MS4A14: variants seen among roughly 807,000 people sequenced by gnomAD.
MS4A14 encodes the protein membrane-spanning 4-domains subfamily A member 14.
A neutral mutation model predicts 16.7 loss-of-function variants in MS4A14; 18 were observed. The observed-to-expected ratio is 1.08, with a 90% CI of 0.75 to 1.60. The LOEUF is 1.60. MS4A14 is among the 40% of genes most tolerant of loss of function. The pLI, the probability that MS4A14 is intolerant of heterozygous loss-of-function variation, is 0.00. For missense variants in MS4A14, 812 were observed against 775.3 expected, an observed-to-expected ratio of 1.05 and a Z score of -0.56; for synonymous variants, 305 against 289.4, an observed-to-expected ratio of 1.05 and a Z score of -0.55.
In MS4A14 at chr11:60,415,876, T is replaced by G; in HGVS notation, c.908T>G (p.Val303Gly). Residue 303 changes from valine to glycine, a missense_variant, in exon 5 of 5, where the codon GTT becomes GGT. Physicochemically the swap from Val to Gly is moderately radical, Grantham distance 109. Coordinates refer to ENST00000300187, the MANE Select transcript of MS4A14 (RefSeq NM_032597.5). ...LLQDQAASLQ[V>G]FPSHSALKLE... ...CAGGACCAAGCTGCGTCACTCCAAG[T>G]TTTTCCATCCCATTCTGCACTAAAA... 6.2e-7 allele frequency: 1 copy of G among 1,613,806 alleles called. No homozygotes were observed. Among genetic ancestry groups the G allele is most frequent in the Non-Finnish European group, 8.5e-7 (1 of 1,179,900 alleles).
intron 4 of MS4A14, among the ~76,000 whole-genome samples, chr11:60,406,696 A>G (rs2085791088): frequency 6.6e-6 from 1 of 152,122 alleles, no homozygotes; most frequent in Admixed American, 6.5e-5. Flanking sequence ...CATCAACTTT[A>G]TAGAAGTATC....
In MS4A14 at chr11:60,416,160, CAA is replaced by C; in HGVS notation, c.1193_1194del (p.Gln398ArgfsTer20). 1 of 1,613,166 alleles carries C rather than the reference CAA, an allele frequency of 6.2e-7. No homozygotes were observed. Among genetic ancestry groups the C allele is most frequent in the Non-Finnish European group, 8.5e-7 (1 of 1,179,672 alleles). ...CACACCATCCCACGCCATGCCACCT[CAA>C]GACATACCTTCCCAAGATATGCTAT... ...QDTPSHAMPPQDIPSQDMLSQ... is the reference protein window; with the variant it reads ...QDTPSHAMPPXDIPSQDMLSQ... On this transcript the variant is annotated frameshift_variant, in exon 5 of 5. Transcript: ENST00000300187. LOFTEE classifies it low-confidence loss of function (END_TRUNC).
intron 3 of MS4A14, among the ~76,000 whole-genome samples, chr11:60,400,749 C>A (rs2085701667): frequency 6.6e-6 from 1 of 152,122 alleles, no homozygotes; most frequent in South Asian, 2.1e-4. Flanking sequence ...CCCCAGGACC[C>A]AGAAATATTG....
chr11:60,397,825 C>A, intron 1 of MS4A14, 27 bp from the exon 2 acceptor site: 2 of 1,609,016 alleles, frequency 1.2e-6, no homozygotes, highest in South Asian at 1.1e-5. Context: ...TACTTGTAAC[C>A]TCATGTACCC....
In MS4A14 at chr11:60,402,912, G is replaced by A. The variant is rs375760675; in HGVS notation, c.319G>A (p.Gly107Ser). Reference sequence around the variant, plus strand: ...TTATCATTTTTAAACTATCTTTCAGGGTCAAGGTGTCACGGGCATGAATGT... The same window carrying A: ...TTATCATTTTTAAACTATCTTTCAGAGTCAAGGTGTCACGGGCATGAATGT... ...TVTDKKSKLL[G>S]QGVTGMNVIS... The change falls in exon 4 of 5, where the codon GGT becomes AGT. Residue 107 changes from glycine to serine, a missense_variant and splice_region_variant. Coordinates refer to ENST00000300187, the MANE Select transcript of MS4A14 (RefSeq NM_032597.5). 5 of 1,612,432 alleles carry A rather than the reference G, an allele frequency of 3.1e-6. No individual in the cohort carries two copies. In the South Asian group the frequency reaches 5.5e-5, roughly 18 times the overall value.
chr11:60,416,850 G>C lies in MS4A14; in HGVS notation c.1882G>C (p.Gly628Arg). The C allele has an allele frequency of 6.2e-7, 1 of 1,613,748 alleles. No individual in the cohort carries two copies. Among genetic ancestry groups the C allele is most frequent in the South Asian group, 1.1e-5 (1 of 91,062 alleles). Residue 628 changes from glycine (G) to arginine (R), a missense_variant, in exon 5 of 5, where the codon GGA becomes CGA. Coordinates refer to ENST00000300187, the MANE Select transcript of MS4A14 (RefSeq NM_032597.5). ...ACAATTCCAAAATGTTCAAGCCGAAGGACAGCAAGCTCAGGTGGAGAAAGT... is the reference window on the plus strand; with the variant it reads ...ACAATTCCAAAATGTTCAAGCCGAACGACAGCAAGCTCAGGTGGAGAAAGT... The part of the protein sequence containing the change: ...KGQFQNVQAE[G>R]QQAQVEKVPK...
intron 4 of MS4A14, among the ~76,000 whole-genome samples, chr11:60,410,444 T>C (rs1455311744): frequency 7.3e-6 from 1 of 137,342 alleles, no homozygotes; most frequent in Non-Finnish European, 1.5e-5. Context: ...TGCACAAAAG[T>C]TCTTTATGAA....
chr11:60,415,433 A>G lies in MS4A14; in HGVS notation c.469-4A>G. 6.3e-7 allele frequency: 1 copy of G among 1,592,348 alleles called. No homozygotes were observed. The highest frequency in any genetic ancestry group is 1.4e-5 in the African/African-American group (1 of 73,724). On this transcript the variant is annotated splice_polypyrimidine_tract_variant and splice_region_variant and intron_variant, in intron 4 of 4. Transcript: ENST00000300187. Reference sequence around the variant, plus strand: ...ATTAATTACCCTCATCCTTGCTTTTATAGGTTCTGTTTTTCTTGCCTTCGG... The same window carrying G: ...ATTAATTACCCTCATCCTTGCTTTTGTAGGTTCTGTTTTTCTTGCCTTCGG...
Position 60,397,944 on chromosome 11 carries a change from T to G in MS4A14, c.231T>G (p.Val77=), listed in dbSNP as rs144248317. Reference sequence around the variant, plus strand: ...GTTTCTCCCAAAGACTTCCCCTTGTTGTCCTCACAGGATATCCATTCTGGG... The same window carrying G: ...GTTTCTCCCAAAGACTTCCCCTTGTGGTCCTCACAGGATATCCATTCTGGG... ...YIGFSQRLPL[V]VLTGYPFWGA... is the part of the protein sequence containing the mutation. Residue 77 remains valine (V), a synonymous_variant, in exon 2 of 5, where the codon GTT becomes GTG. Coordinates refer to ENST00000300187, the MANE Select transcript of MS4A14 (RefSeq NM_032597.5). 1.1e-4 allele frequency: 175 copies of G among 1,613,672 alleles called. 1 individual carries two copies. Among genetic ancestry groups the G allele is most frequent in the Non-Finnish European group, 1.4e-4 (168 of 1,179,670 alleles).
Position 60,417,269 on chromosome 11 carries a change from A to G in MS4A14, c.*261A>G, listed in dbSNP as rs1203873419. 10 of 339,782 alleles carry G rather than the reference A, an allele frequency of 2.9e-5. No individual in the cohort carries two copies. In the East Asian group the frequency reaches 5.1e-4, roughly 17 times the overall value. 21.0% of individuals were successfully genotyped at this position (339,782 alleles called of 1,614,324 possible). The stretch of plus-strand genomic sequence containing the variant: ...CATCAAACCAGGGGACATGAAATGT[A>G]TAGGGCAAACCTCAGGGGACCTGCA... On this transcript the variant is annotated 3_prime_UTR_variant, in exon 5 of 5. Transcript: ENST00000300187.
At chr11:60,404,117 C>T (rs2085753474) in intron 4 of MS4A14, among the ~76,000 whole-genome samples, 1 of 152,222 alleles carries the variant, frequency 6.6e-6, no homozygotes, top group African/African-American at 2.4e-5. Flanking sequence ...GAGGCAACTA[C>T]TGTTTGTTAT....
At chr11:60,415,323 A>G (rs1399635316) in intron 4 of MS4A14, 114 bp from the exon 5 acceptor site, 1 of 1,122,814 alleles carries the variant, frequency 8.9e-7, no homozygotes, top group Non-Finnish European at 1.2e-6. Context: ...CTTCTCATTT[A>G]GATGTTATTT....
Position 60,415,509 on chromosome 11 carries a change from C to A in MS4A14, c.541C>A (p.Gln181Lys). The change falls in exon 5 of 5, where the codon CAA becomes AAA. Residue 181 changes from glutamine (Q) to lysine (K), a missense_variant. Coordinates refer to ENST00000300187, the MANE Select transcript of MS4A14 (RefSeq NM_032597.5). ...QPAPEENDQLQFVLQEEFSSD... is the reference protein window; with the variant it reads ...QPAPEENDQLKFVLQEEFSSD... ...TGCCCCAGAAGAAAATGATCAATTA[C>A]AATTTGTGCTTCAAGAAGAGTTTTC... 1 of 1,613,544 alleles carries A rather than the reference C, an allele frequency of 6.2e-7. No individual in the cohort carries two copies. The highest frequency in any genetic ancestry group is 8.5e-7 in the Non-Finnish European group (1 of 1,179,690).
intron 4 of MS4A14, among the ~76,000 whole-genome samples, chr11:60,409,799 T>C (rs1478552932): frequency 6.6e-6 from 1 of 151,290 alleles, no homozygotes; most frequent in East Asian, 1.9e-4. Context: ...TCTTTCCTTC[T>C]TTCCTTCTTT....
At chr11:60,412,893 G>T (rs1471799975) in intron 4 of MS4A14, among the ~76,000 whole-genome samples, 1 of 151,820 alleles carries the variant, frequency 6.6e-6, no homozygotes, top group Non-Finnish European at 1.5e-5. Flanking sequence ...ATCTTGCTGG[G>T]ATTTTGGTTG....
At chr11:60,398,211 A>G in intron 2 of MS4A14, 1 of 367,000 alleles carries the variant, frequency 2.7e-6, no homozygotes. Flanking sequence ...TGTGTATAGT[A>G]AGACATTTGC....
In MS4A14 at chr11:60,397,942, GT is replaced by G; in HGVS notation, c.231del (p.Val78SerfsTer21). ...YIGFSQRLPL[V>X]VLTGYPFWGA... is the part of the protein sequence containing the mutation. ...CGGTTTCTCCCAAAGACTTCCCCTTGTTGTCCTCACAGGATATCCATTCTGG... is the reference window on the plus strand; with the variant it reads ...CGGTTTCTCCCAAAGACTTCCCCTTGTGTCCTCACAGGATATCCATTCTGG... On this transcript the variant is annotated frameshift_variant, in exon 2 of 5. Transcript: ENST00000300187. LOFTEE classifies it high-confidence loss of function. The G allele has an allele frequency of 6.2e-7, 1 of 1,613,544 alleles. No individual in the cohort carries two copies. The highest frequency in any genetic ancestry group is 2.2e-5 in the East Asian group (1 of 44,850).
In MS4A14 at chr11:60,415,919, T is replaced by A; in HGVS notation, c.951T>A (p.Pro317=). Residue 317 remains proline, a synonymous_variant, in exon 5 of 5, where the codon CCT becomes CCA. Transcript: ENST00000300187. ...HSALKLEDIS[P]EDLPSQALPV... ...CACTAAAACTCGAAGATATATCACC[T>A]GAAGACTTGCCATCCCAAGCTCTAC... 3 of 1,613,960 alleles carry A rather than the reference T, an allele frequency of 1.9e-6. No homozygotes were observed. Among genetic ancestry groups the A allele is most frequent in the Non-Finnish European group, 2.5e-6 (3 of 1,179,938 alleles).
chr11:60,396,653 A>T lies in MS4A14; in HGVS notation c.75A>T (p.Ala25=), dbSNP rs150323558. The part of the protein sequence containing the change: ...TIKPNETVLT[A]FPYRPHSSLL... ...AACCAAACGAAACTGTATTGACTGC[A>T]TTTCCCTACAGACCTCATAGCTCTC... The change falls in exon 1 of 5, where the codon GCA becomes GCT. Residue 25 remains alanine (A), a synonymous_variant. Transcript: ENST00000300187. 3.0e-4 allele frequency: 480 copies of T among 1,613,946 alleles called. 2 individuals carry two copies. In the African/African-American group the frequency reaches 5.4e-3, roughly 18 times the overall value.
Sources: gnomAD v4.1 joint callset for allele counts (sites outside exome capture counted in the v4.1 genomes callset) on GRCh38, gnomAD v4.1.1 for gene constraint, MANE v1.5 for transcripts, NCBI Gene and HGNC (gene_info 2026-07-23, HGNC 2026-07-21) for gene names.